Variants in PPP1R9A observed in about 807,000 individuals in gnomAD.
The protein encoded by PPP1R9A is protein phosphatase 1 regulatory subunit 9A, also known as neurabin-1.
In PPP1R9A, 59 loss-of-function variants were observed where a neutral mutation model predicts 141.9. The observed-to-expected ratio is 0.42, with a 90% confidence interval of 0.34 to 0.52. The LOEUF (loss-of-function observed/expected upper bound fraction) is 0.52. Ranked by LOEUF, PPP1R9A falls within the 20% of genes least tolerant of loss-of-function variation. The pLI is 0.10. For missense variants in PPP1R9A, 1,444 were observed against 1,611.9 expected, an observed-to-expected ratio of 0.90 and a Z score of 1.78; for synonymous variants, 500 against 569.7, an observed-to-expected ratio of 0.88 and a Z score of 1.74.
chr7:94,930,100 C>T (rs1793968515), intron 2 of PPP1R9A, among the ~76,000 whole-genome samples: 1 of 152,012 alleles, frequency 6.6e-6, no homozygotes, highest in South Asian at 2.1e-4. Context: ...GGGATGAACT[C>T]ATAGGGGCCT....
chr7:94,989,030 T>C (rs898239160), intron 2 of PPP1R9A, among the ~76,000 whole-genome samples: 1 of 152,086 alleles, frequency 6.6e-6, no homozygotes, highest in African/African-American at 2.4e-5. Context: ...TTGAGGACTC[T>C]TTTAGTCCAG....
chr7:95,219,821 C>G (rs1007814896), intron 7 of PPP1R9A, among the ~76,000 whole-genome samples: 1 of 152,122 alleles, frequency 6.6e-6, no homozygotes, highest in Non-Finnish European at 1.5e-5. Context: ...GACTTACTTA[C>G]TGTTATGCAA....
At chr7:95,131,034 G>T (rs4481517) in intron 4 of PPP1R9A, among the ~76,000 whole-genome samples, 1 of 152,168 alleles carries the variant, frequency 6.6e-6, no homozygotes, top group South Asian at 2.1e-4. Flanking sequence ...TGTTTGGAAG[G>T]TGTAATTGGT....
chr7:95,147,538 T>C (rs1049746127), intron 4 of PPP1R9A, among the ~76,000 whole-genome samples: 6 of 152,196 alleles, frequency 3.9e-5, no homozygotes, highest in African/African-American at 1.2e-4. Context: ...CTGTGTTGAA[T>C]AGGAGTGGGG....
rs1030784893 is a variant in PPP1R9A at position 94,977,846 on chromosome 7, A to G, written c.1395+66338A>G. Reference sequence around the variant, plus strand: ...GGCGTGATCTCGGCTCACTGCAACCACTGCCTCCCAGGTTCAAGCGATTCT... The same window carrying G: ...GGCGTGATCTCGGCTCACTGCAACCGCTGCCTCCCAGGTTCAAGCGATTCT... On this transcript the variant is annotated intron_variant, in intron 2 of 19. Coordinates refer to ENST00000433360, the MANE Select transcript of PPP1R9A (RefSeq NM_001166160.2). 3.2e-4 allele frequency among the ~76,000 whole-genome samples: 47 copies of G among 146,582 alleles called. 1 individual carries two copies. Among genetic ancestry groups the G allele is most frequent in the Non-Finnish European group, 1.2e-4 (8 of 67,016 alleles).
At chr7:94,963,492 G>GT (rs1797868261) in intron 2 of PPP1R9A, among the ~76,000 whole-genome samples, 2 of 152,024 alleles carry the variant, frequency 1.3e-5, no homozygotes, top group South Asian at 2.1e-4. Context: ...CTAATCATAT[G>GT]TTTTTTTCTG....
In PPP1R9A at chr7:95,085,643, G is replaced by T. The variant is rs545348617; in HGVS notation, c.1396-25616G>T. On this transcript the variant is annotated intron_variant, in intron 2 of 19. Coordinates refer to ENST00000433360, the MANE Select transcript of PPP1R9A (RefSeq NM_001166160.2). Reference sequence around the variant, plus strand: ...TTGGCCAGGCTGGTCTCCAACTCCTGACCTCAAGTGATCCACCTGCCTTGG... The same window carrying T: ...TTGGCCAGGCTGGTCTCCAACTCCTTACCTCAAGTGATCCACCTGCCTTGG... 1.8e-4 allele frequency among the ~76,000 whole-genome samples: 27 copies of T among 151,426 alleles called. 1 individual carries two copies. The highest frequency in any genetic ancestry group is 6.6e-4 in the Admixed American group (10 of 15,228).
chr7:95,040,118 T>A (rs1809019122), intron 2 of PPP1R9A, among the ~76,000 whole-genome samples: 1 of 152,190 alleles, frequency 6.6e-6, no homozygotes, highest in Non-Finnish European at 1.5e-5. Context: ...TTCTATGACA[T>A]GTAATTGTAC....
At chr7:95,112,901 A>T (rs553924813) in intron 3 of PPP1R9A, among the ~76,000 whole-genome samples, 2 of 152,282 alleles carry the variant, frequency 1.3e-5, no homozygotes, top group East Asian at 3.9e-4. Flanking sequence ...AGAGCAGAGT[A>T]ATAGACACTG....
chr7:95,179,898 G>A (rs1184502053), intron 5 of PPP1R9A, among the ~76,000 whole-genome samples: 4 of 151,620 alleles, frequency 2.6e-5, no homozygotes, highest in South Asian at 2.1e-4. Flanking sequence ...ATGGAAACAC[G>A]TCCCGTGCTC....
At chr7:95,010,120 T>C (rs1804202425) in intron 2 of PPP1R9A, among the ~76,000 whole-genome samples, 2 of 152,178 alleles carry the variant, frequency 1.3e-5, no homozygotes, top group Admixed American at 6.5e-5. Context: ...GGCTGGATGC[T>C]GTGGCTTACG....
intron 8 of PPP1R9A, among the ~76,000 whole-genome samples, chr7:95,226,455 A>G (rs1192281031): frequency 1.3e-5 from 2 of 152,164 alleles, no homozygotes; most frequent in Non-Finnish European, 2.9e-5. Flanking sequence ...AGACTTCCTA[A>G]AAAGTCTCTT....
intron 5 of PPP1R9A, among the ~76,000 whole-genome samples, chr7:95,186,036 G>C (rs1230261343): frequency 1.9e-5 from 2 of 105,070 alleles, no homozygotes; most frequent in Non-Finnish European, 4.1e-5. Flanking sequence ...AAATTTTTAG[G>C]ATTTTTTTTT....
At chr7:95,203,045 C>T (rs539818288) in intron 6 of PPP1R9A, among the ~76,000 whole-genome samples, 1 of 152,178 alleles carries the variant, frequency 6.6e-6, no homozygotes, top group African/African-American at 2.4e-5. Context: ...GGTTAATCAT[C>T]ACTCCAGAAA....
intron 8 of PPP1R9A, among the ~76,000 whole-genome samples, chr7:95,238,041 A>G (rs1340611222): frequency 6.6e-6 from 1 of 151,918 alleles, no homozygotes; most frequent in African/African-American, 2.4e-5. Context: ...GTCTTAGGTT[A>G]TTTTTTCCTG....
intron 2 of PPP1R9A, among the ~76,000 whole-genome samples, chr7:94,954,338 T>C (rs1465746281): frequency 2.6e-5 from 4 of 152,042 alleles, no homozygotes; most frequent in African/African-American, 9.7e-5. Flanking sequence ...TTTACTAATA[T>C]ATTTCAAAGC....
intron 5 of PPP1R9A, among the ~76,000 whole-genome samples, chr7:95,183,332 G>A (rs1209480291): frequency 6.6e-6 from 1 of 151,228 alleles, no homozygotes; most frequent in African/African-American, 2.4e-5. Flanking sequence ...TAAAGATGGG[G>A]TTTCACCATG....
At chr7:94,922,554 A>C (rs1562995818) in intron 2 of PPP1R9A, among the ~76,000 whole-genome samples, 1 of 152,212 alleles carries the variant, frequency 6.6e-6, no homozygotes, top group Admixed American at 6.5e-5. Context: ...CGATAAATGC[A>C]TATAGTATAA....
chr7:95,034,259 A>G (rs999830856), intron 2 of PPP1R9A, among the ~76,000 whole-genome samples: 1 of 152,150 alleles, frequency 6.6e-6, no homozygotes, highest in Admixed American at 6.6e-5. Flanking sequence ...GATTTCTGGT[A>G]TACAAGATTA....
Sources: gnomAD v4.1 joint callset for allele counts (sites outside exome capture counted in the v4.1 genomes callset) on GRCh38, gnomAD v4.1.1 for gene constraint, MANE v1.5 for transcripts, NCBI Gene and HGNC (gene_info 2026-07-23, HGNC 2026-07-21) for gene names.